Variants in CSH1 observed in about 807,000 individuals in gnomAD.
CSH1 encodes the protein Chorionic somatomammotropin hormone 2.
In CSH1, 17 loss-of-function variants were observed where a neutral mutation model predicts 19.4. The observed-to-expected ratio is 0.88, with a 90% confidence interval of 0.60 to 1.31. The LOEUF is 1.31. Ranked by LOEUF, CSH1 falls within the 40% of genes most tolerant of loss-of-function variation. The pLI is 0.00. For synonymous variants in CSH1, 72 were observed against 104.6 expected (o/e 0.69, Z 1.90); for missense variants, 190 against 243.1 (o/e 0.78, Z 1.45).
intron 4 of CSH1, 89 bp from the exon 5 acceptor site, chr17:63,895,308 A>G (rs528915849): frequency 1.2e-6 from 2 of 1,612,758 alleles, no homozygotes; most frequent in East Asian, 4.5e-5. Flanking sequence ...CCTCCCCTTC[A>G]GGGTGTAGAG....
At chr17:63,896,411 A>T in intron 1 of CSH1, 91 bp downstream of exon 1, 1 of 1,583,676 alleles carries the variant, frequency 6.3e-7, no homozygotes, top group South Asian at 1.1e-5. Flanking sequence ...ATAAGCCCCA[A>T]ACCTGAGGGT....
At chr17:63,896,469 C>T (rs761266856) in intron 1 of CSH1, 33 bp downstream of exon 1, 3 of 1,612,454 alleles carry the variant, frequency 1.9e-6, no homozygotes, top group Non-Finnish European at 2.5e-6. Flanking sequence ...CCTCAGGACA[C>T]GTTGTGCCCA....
rs141565530 is a variant in CSH1, at chr17:63,895,023, T to G, written c.653A>C (p.Ter218SerextTer4). The G allele has an allele frequency of 5.9e-5, 95 of 1,612,980 alleles. 3 individuals carry two copies. In the African/African-American group the frequency reaches 6.5e-4, roughly 11 times the overall value. Residue 218 changes from the stop codon to serine (S), a stop_lost, in exon 5 of 5, where the codon TAG becomes TCG. Transcript: ENST00000316193. ...CRSVEGSCGF[*>S] ...GGTCACAGGATGCTACTCGGGCACC[T>G]AGAAGCCACAGCTGCCCTCCACAGA...
In CSH1 at chr17:63,895,040, C is replaced by T; in HGVS notation, c.636G>A (p.Glu212=). ...CGGGCACCTAGAAGCCACAGCTGCC[C>T]TCCACAGAGCGGCACTGCACCATGC... ...FLRMVQCRSV[E]GSCGF is the part of the protein sequence containing the mutation. Residue 212 remains glutamate, a synonymous_variant, in exon 5 of 5, where the codon GAG becomes GAA. Transcript: ENST00000316193. The T allele has an allele frequency of 1.2e-6, 2 of 1,613,044 alleles. No individual in the cohort carries two copies. Among genetic ancestry groups the T allele is most frequent in the Non-Finnish European group, 1.7e-6 (2 of 1,179,666 alleles).
At position 63,896,487 on chromosome 17, in the gene CSH1, T is replaced by A; in HGVS notation, c.10+15A>T. On this transcript the variant is annotated intron_variant, in intron 1 of 4. Transcript: ENST00000316193. ...CAGGACACGTTGTGCCCAAAGGGAT[T>A]TTAGGGGCGCTTACCTGGAGCCATT... 1.2e-6 allele frequency: 2 copies of A among 1,612,948 alleles called. No individual in the cohort carries two copies. The highest frequency in any genetic ancestry group is 1.7e-6 in the Non-Finnish European group (2 of 1,179,374).
rs572597687 is a variant in CSH1 at position 63,895,161 on chromosome 17, A to G, written c.515T>C (p.Phe172Ser). 2.5e-5 allele frequency: 41 copies of G among 1,612,784 alleles called. No homozygotes were observed. In the Admixed American group the frequency reaches 5.2e-4, roughly 20 times the overall value. Reference sequence around the variant, plus strand: ...GTCATGGTTGTGCGAGTTTGTGTCAAACTTGCTGTAGGTCTGCTTGAGGAT... The same window carrying G: ...GTCATGGTTGTGCGAGTTTGTGTCAGACTTGCTGTAGGTCTGCTTGAGGAT... ...GQILKQTYSKFDTNSHNHDAL... is the reference protein window; with the variant it reads ...GQILKQTYSKSDTNSHNHDAL... Residue 172 changes from phenylalanine to serine, a missense_variant, in exon 5 of 5, where the codon TTT (phenylalanine) becomes TCT (serine). Phe to Ser is a radical substitution (Grantham distance 155). Around this residue, in one of 3 missense-constraint regions of CSH1, gnomAD observed 175 missense variants for 187.2 expected, o/e 0.93. Transcript: ENST00000316193.
chr17:63,896,286 C>G, intron 1 of CSH1, 51 bp from the exon 2 acceptor site: 1 of 1,579,248 alleles, frequency 6.3e-7, no homozygotes, highest in Non-Finnish European at 8.6e-7. Context: ...AAGAGGCCAG[C>G]GCTCTCCCTG....
In CSH1 at chr17:63,895,197, C is replaced by A. The variant is rs760583471; in HGVS notation, c.479G>T (p.Arg160Leu). 2.0e-5 allele frequency: 32 copies of A among 1,612,712 alleles called. No homozygotes were observed. Among genetic ancestry groups the A allele is most frequent in the South Asian group, 6.6e-5 (6 of 91,072 alleles). Residue 160 changes from arginine (R) to leucine (L), a missense_variant, in exon 5 of 5, where the codon CGG becomes CTG. Coordinates refer to ENST00000316193, the MANE Select transcript of CSH1 (RefSeq NM_001317.6). ...LMGRLEDGSR[R>L]TGQILKQTYS... ...GGTCTGCTTGAGGATCTGCCCAGTC[C>A]GGCGGCTGCCGTCTTCCAGCCTCTG...
At position 63,895,200 on chromosome 17, in the gene CSH1, C is replaced by T. The variant is rs558064451; in HGVS notation, c.476G>A (p.Arg159His). The T allele has an allele frequency of 6.6e-5, 107 of 1,612,874 alleles. 2 individuals carry two copies. Among genetic ancestry groups the T allele is most frequent in the Admixed American group, 1.7e-4 (10 of 59,954 alleles). The change falls in exon 5 of 5, where the codon CGC (arginine) becomes CAC (histidine). Residue 159 changes from arginine to histidine, a missense_variant. Transcript: ENST00000316193. ...TLMGRLEDGS[R>H]RTGQILKQTY... is the part of the protein sequence containing the mutation. ...CTGCTTGAGGATCTGCCCAGTCCGGCGGCTGCCGTCTTCCAGCCTCTGCAA... is the reference window on the plus strand; with the variant it reads ...CTGCTTGAGGATCTGCCCAGTCCGGTGGCTGCCGTCTTCCAGCCTCTGCAA...
intron 4 of CSH1, 77 bp downstream of exon 4, chr17:63,895,396 G>A: frequency 6.2e-7 from 1 of 1,612,926 alleles, no homozygotes; most frequent in Non-Finnish European, 8.5e-7. Flanking sequence ...GCTAAAAAGA[G>A]GGCAGCAGTA....
rs1318965665 is a variant in CSH1 at position 63,895,827 on chromosome 17, G to T, written c.195C>A (p.Asp65Glu). ...QEFEETYIPK[D>E]QKYSFLHDSQ... ...AGTCATGCAGGAATGAATACTTCTG[G>T]TCCTTTGGGATATAGGTTTCTTCCT... is the stretch of plus-strand genomic sequence containing the variant. The change falls in exon 3 of 5, where the codon GAC (aspartate) becomes GAA (glutamate). Residue 65 changes from aspartate (D) to glutamate (E), a missense_variant. Physicochemically the swap from Asp to Glu is conservative, Grantham distance 45 (BLOSUM62 2). Transcript: ENST00000316193. The T allele has an allele frequency of 1.9e-4, 100 of 530,268 alleles. No individual in the cohort carries two copies. The South Asian group carries it at 2.1e-3, about 11-fold the overall frequency. The allele number at this position is 530,268 out of a possible 1,614,324, so 32.8% of individuals were successfully genotyped here. A position where few individuals can be genotyped will look rare whatever the true frequency, so the allele number is the denominator to read the frequency against.
In CSH1 at chr17:63,895,050, C is replaced by G. The variant is rs199753389; in HGVS notation, c.626G>C (p.Arg209Pro). ...VETFLRMVQC[R>P]SVEGSCGF Reference sequence around the variant, plus strand: ...GAAGCCACAGCTGCCCTCCACAGAGCGGCACTGCACCATGCGCAGGAATGT... The same window carrying G: ...GAAGCCACAGCTGCCCTCCACAGAGGGGCACTGCACCATGCGCAGGAATGT... The change falls in exon 5 of 5, where the codon CGC becomes CCC. Residue 209 changes from arginine (R) to proline (P), a missense_variant. By Grantham distance (103) the Arg-to-Pro change is moderately radical (BLOSUM62 -2). Transcript: ENST00000316193. 2 of 1,613,008 alleles carry G rather than the reference C, an allele frequency of 1.2e-6. No homozygotes were observed. The highest frequency in any genetic ancestry group is 2.2e-5 in the East Asian group (1 of 44,874).
rs1249790172 is a variant in CSH1 at position 63,895,044 on chromosome 17, A to G, written c.632T>C (p.Val211Ala). The change falls in exon 5 of 5, where the codon GTG (valine) becomes GCG (alanine). Residue 211 changes from valine to alanine, a missense_variant. Coordinates refer to ENST00000316193, the MANE Select transcript of CSH1 (RefSeq NM_001317.6). ...TFLRMVQCRS[V>A]EGSCGF ...CACCTAGAAGCCACAGCTGCCCTCCACAGAGCGGCACTGCACCATGCGCAG... is the reference window on the plus strand; with the variant it reads ...CACCTAGAAGCCACAGCTGCCCTCCGCAGAGCGGCACTGCACCATGCGCAG... 4.3e-6 allele frequency: 7 copies of G among 1,613,000 alleles called. No homozygotes were observed. The Middle Eastern group carries it at 5.0e-4, about 114-fold the overall frequency.
At chr17:63,895,316 G>T (rs779204388) in intron 4 of CSH1, 97 bp from the exon 5 acceptor site, 1 of 1,612,786 alleles carries the variant, frequency 6.2e-7, no homozygotes, top group Non-Finnish European at 8.5e-7. Context: ...TCAGGGTGTA[G>T]AGAAAGGCCT....
Position 63,895,132 on chromosome 17 carries a change from G to C in CSH1, c.544C>G (p.Leu182Val), listed in dbSNP as rs1374024354. 1 of 1,612,852 alleles carries C rather than the reference G, an allele frequency of 6.2e-7. No homozygotes were observed. Among genetic ancestry groups the C allele is most frequent in the African/African-American group, 1.3e-5 (1 of 74,360 alleles). ...TAGAGCAGCCCGTAGTTCTTGAGCA[G>C]TGCGTCATGGTTGTGCGAGTTTGTG... is the stretch of plus-strand genomic sequence containing the variant. The part of the protein sequence containing the change: ...FDTNSHNHDA[L>V]LKNYGLLYCF... The change falls in exon 5 of 5, where the codon CTG becomes GTG. Residue 182 changes from leucine (L) to valine (V), a missense_variant. By Grantham distance (32) the Leu-to-Val change is conservative. Around this residue, in one of 3 missense-constraint regions of CSH1, gnomAD observed 175 missense variants for 187.2 expected, o/e 0.93. Transcript: ENST00000316193.
At position 63,895,007 on chromosome 17, in the gene CSH1, A is replaced by G. The variant is rs1471780849; in HGVS notation, c.*15T>C. On this transcript the variant is annotated 3_prime_UTR_variant, in exon 5 of 5. Coordinates refer to ENST00000316193, the MANE Select transcript of CSH1 (RefSeq NM_001317.6). ...AGAGGCACTGGGGAGGGGTCACAGG[A>G]TGCTACTCGGGCACCTAGAAGCCAC... 3.7e-6 allele frequency: 6 copies of G among 1,612,912 alleles called. No individual in the cohort carries two copies. The highest frequency in any genetic ancestry group is 5.1e-6 in the Non-Finnish European group (6 of 1,179,626).
Position 63,895,845 on chromosome 17 carries a change from T to C in CSH1, c.177A>G (p.Glu59=). The C allele has an allele frequency of 2.0e-6, 1 of 506,060 alleles. No individual in the cohort carries two copies. The allele number at this position is 506,060 out of a possible 1,614,324, so 31.3% of individuals were successfully genotyped here. The change falls in exon 3 of 5, where the codon GAA becomes GAG. Residue 59 remains glutamate, a synonymous_variant. Coordinates refer to ENST00000316193, the MANE Select transcript of CSH1 (RefSeq NM_001317.6). ...ACTTCTGGTCCTTTGGGATATAGGT[T>C]TCTTCCTAGGAGAAGGACCCCCCAC... ...LAIDTYQEFE[E]TYIPKDQKYS...
At chr17:63,895,254 G>A (rs749564716) in intron 4 of CSH1, 35 bp from the exon 5 acceptor site, 5 of 1,612,870 alleles carry the variant, frequency 3.1e-6, no homozygotes, top group South Asian at 1.1e-5. Flanking sequence ...GAGGCCAAGC[G>A]CTTGGGCACT....
In CSH1 at chr17:63,895,342, C is replaced by G. The variant is rs145624320; in HGVS notation, c.457-123G>C. 7.6e-5 allele frequency: 122 copies of G among 1,612,530 alleles called. 2 individuals carry two copies. The highest frequency in any genetic ancestry group is 1.1e-4 in the East Asian group (5 of 44,886). Reference sequence around the variant, plus strand: ...AGAAAGGCCTGGAGGATTCACCAGGCGAAATGAAGAATAAGGTGAGTTCTC... The same window carrying G: ...AGAAAGGCCTGGAGGATTCACCAGGGGAAATGAAGAATAAGGTGAGTTCTC... On this transcript the variant is annotated intron_variant, in intron 4 of 4. Coordinates refer to ENST00000316193, the MANE Select transcript of CSH1 (RefSeq NM_001317.6).
Sources: allele counts gnomAD v4.1 joint callset, GRCh38; gene constraint gnomAD v4.1.1; regional missense constraint gnomAD v4.1.1; transcripts MANE v1.5; gene names NCBI Gene and HGNC (gene_info 2026-07-23, HGNC 2026-07-21).